BRINP3: variants seen among roughly 807,000 people sequenced by gnomAD.
BRINP3 encodes BMP/retinoic acid inducible neural specific 3.
In BRINP3, 19 loss-of-function variants were observed where a neutral mutation model predicts 71.0. The observed-to-expected ratio is 0.27, with a 90% CI of 0.19 to 0.39. The LOEUF (loss-of-function observed/expected upper bound fraction) is 0.39, where lower values mean the gene tolerates loss of function less well. Ranked by LOEUF, BRINP3 falls within the 10% of genes least tolerant of loss-of-function variation. BRINP3 has a pLI of 1.00. For synonymous variants in BRINP3, 380 were observed against 337.7 expected (o/e 1.13, Z -1.37); for missense variants, 959 against 940.8 (o/e 1.02, Z -0.25).
At chr1:190,272,313 G>A (rs1294301027) in intron 3 of BRINP3, among the ~76,000 whole-genome samples, 1 of 151,452 alleles carries the variant, frequency 6.6e-6, no homozygotes, top group Non-Finnish European at 1.5e-5. Context: ...ATGACATAAT[G>A]AAGGCAAATG....
intron 7 of BRINP3, among the ~76,000 whole-genome samples, chr1:190,117,782 A>G (rs1653273192): frequency 6.6e-6 from 1 of 152,084 alleles, no homozygotes; most frequent in East Asian, 1.9e-4. Flanking sequence ...TAATTTTTTA[A>G]TTCTTAAAAA....
chr1:190,342,120 C>T (rs966735582), intron 2 of BRINP3, among the ~76,000 whole-genome samples: 1 of 151,310 alleles, frequency 6.6e-6, no homozygotes, highest in African/African-American at 2.4e-5. Flanking sequence ...CTCAGTCTTG[C>T]ATTTATCTGG....
At chr1:190,245,552 T>C (rs1440117781) in intron 4 of BRINP3, among the ~76,000 whole-genome samples, 1 of 152,060 alleles carries the variant, frequency 6.6e-6, no homozygotes, top group East Asian at 1.9e-4. Context: ...ATGTTAATTA[T>C]TTATCTTAAA....
At chr1:190,433,144 G>C (rs1434654159) in intron 2 of BRINP3, among the ~76,000 whole-genome samples, 1 of 152,056 alleles carries the variant, frequency 6.6e-6, no homozygotes, top group Non-Finnish European at 1.5e-5. Context: ...ATGGACCCCT[G>C]TCCACATCTT....
At chr1:190,131,325 T>C (rs1654527081) in intron 7 of BRINP3, among the ~76,000 whole-genome samples, 1 of 151,858 alleles carries the variant, frequency 6.6e-6, no homozygotes, top group Non-Finnish European at 1.5e-5. Context: ...AGTTAAAATG[T>C]TGAGATTAAC....
intron 2 of BRINP3, among the ~76,000 whole-genome samples, chr1:190,372,937 C>T (rs987232372): frequency 2.0e-5 from 3 of 151,988 alleles, no homozygotes; most frequent in Non-Finnish European, 4.4e-5. Flanking sequence ...TCCAGGACCT[C>T]ATTTAAAGAA....
intron 2 of BRINP3, among the ~76,000 whole-genome samples, chr1:190,301,076 T>G (rs1664648202): frequency 6.6e-6 from 1 of 150,704 alleles, no homozygotes; most frequent in African/African-American, 2.4e-5. Context: ...TCCATTTTTA[T>G]GTATCTATAG....
At chr1:190,365,806 G>GTGTGTATA (rs913644308) in intron 2 of BRINP3, among the ~76,000 whole-genome samples, 44 of 127,870 alleles carry the variant, frequency 3.4e-4, no homozygotes, top group East Asian at 2.6e-3. Context: ...GAGAGCAAGT[G>GTGTGTATA]TATATATATA....
At chr1:190,296,699 A>G (rs986987232) in intron 2 of BRINP3, among the ~76,000 whole-genome samples, 1 of 152,182 alleles carries the variant, frequency 6.6e-6, no homozygotes, top group Non-Finnish European at 1.5e-5. Flanking sequence ...AAATAAAGTC[A>G]GTGAAGTTGT....
chr1:190,447,548 A>G (rs1390324302), intron 2 of BRINP3, among the ~76,000 whole-genome samples: 1 of 147,438 alleles, frequency 6.8e-6, no homozygotes, highest in Admixed American at 6.8e-5. Flanking sequence ...TATAAAATAT[A>G]TATATATAAA....
chr1:190,256,563 T>C (rs1448757085), intron 4 of BRINP3, among the ~76,000 whole-genome samples: 1 of 152,218 alleles, frequency 6.6e-6, no homozygotes, highest in South Asian at 2.1e-4. Context: ...CGTTAGTTGA[T>C]GCAGTTTCTT....
chr1:190,254,802 A>G (rs1215721058), intron 4 of BRINP3, among the ~76,000 whole-genome samples: 2 of 152,178 alleles, frequency 1.3e-5, no homozygotes, highest in African/African-American at 4.8e-5. Context: ...AGAAATTCCA[A>G]CACTAAGTTG....
chr1:190,125,079 T>G (rs945226406), intron 7 of BRINP3, among the ~76,000 whole-genome samples: 4 of 152,008 alleles, frequency 2.6e-5, no homozygotes, highest in African/African-American at 4.8e-5. Flanking sequence ...TTGACAAGGA[T>G]AATTTTCCAA....
chr1:190,456,739 T>C (rs1236367037), intron 1 of BRINP3, among the ~76,000 whole-genome samples: 1 of 152,010 alleles, frequency 6.6e-6, no homozygotes, highest in Admixed American at 6.5e-5. Context: ...ATCATATACA[T>C]TTAAACGGGC....
At chr1:190,111,182 T>TTAAAA (rs1652643062) in intron 7 of BRINP3, among the ~76,000 whole-genome samples, 4 of 61,812 alleles carry the variant, frequency 6.5e-5, no homozygotes, top group African/African-American at 3.2e-4. Context: ...AAGACTCCAT[T>TTAAAA]AAAAAAAAAA....
chr1:190,414,453 C>G (rs1436066947), intron 2 of BRINP3, among the ~76,000 whole-genome samples: 1 of 151,900 alleles, frequency 6.6e-6, no homozygotes, highest in African/African-American at 2.4e-5. Context: ...AATTTGAAAA[C>G]AGGACATAAA....
intron 6 of BRINP3, among the ~76,000 whole-genome samples, chr1:190,174,813 C>CT (rs752859436): frequency 2.6e-5 from 4 of 151,992 alleles, no homozygotes; most frequent in South Asian, 2.1e-4. Context: ...AATAATCTTG[C>CT]TTTTTTCTAC....
chr1:190,375,912 C>T (rs976638169), intron 2 of BRINP3, among the ~76,000 whole-genome samples: 2 of 151,792 alleles, frequency 1.3e-5, no homozygotes, highest in African/African-American at 4.8e-5. Flanking sequence ...CCTTTCAGGA[C>T]ATTTTTAGAT....
chr1:190,359,939 C>T (rs945121792), intron 2 of BRINP3, among the ~76,000 whole-genome samples: 5 of 151,900 alleles, frequency 3.3e-5, no homozygotes, highest in African/African-American at 1.2e-4. Context: ...TATATGTGTG[C>T]GGGTGACATA....
Sources: gnomAD v4.1 joint callset for allele counts (sites outside exome capture counted in the v4.1 genomes callset) on GRCh38, gnomAD v4.1.1 for gene constraint, MANE v1.5 for transcripts, NCBI Gene and HGNC (gene_info 2026-07-23, HGNC 2026-07-21) for gene names.